Variants in DNAH14 observed in about 807,000 individuals in gnomAD.
DNAH14 encodes axonemal beta dynein heavy chain 14.
DNAH14 carries 478 observed loss-of-function variants against 520.9 expected under a neutral mutation model. That is an observed-to-expected ratio of 0.92 (90% CI 0.85 to 0.99). DNAH14 has a LOEUF of 0.99. DNAH14 is among the 50% of genes least tolerant of loss of function. DNAH14 has a pLI of 0.00. For synonymous variants in DNAH14, 1,581 were observed against 1,757.2 expected, an observed-to-expected ratio of 0.90 and a Z score of 2.51; for missense variants, 4,831 against 5,234.5, an observed-to-expected ratio of 0.92 and a Z score of 2.38.
intron 18 of DNAH14, 130 bp downstream of exon 18, chr1:225,079,678 T>TTTG (rs2072872807): frequency 1.6e-6 from 1 of 628,412 alleles, no homozygotes; most frequent in African/African-American, 2.0e-5. Flanking sequence ...TATTCTTTTT[T>TTTG]TTTTTTTTTT....
At chr1:225,074,022 C>T (rs1217991919) in intron 17 of DNAH14, among the ~76,000 whole-genome samples, 5 of 79,734 alleles carry the variant, frequency 6.3e-5, no homozygotes, top group East Asian at 4.3e-4. Context: ...TTTTTTGAGA[C>T]GGAGTCTCGC....
At chr1:225,060,213 C>A (rs1001387114) in intron 17 of DNAH14, among the ~76,000 whole-genome samples, 3 of 152,066 alleles carry the variant, frequency 2.0e-5, no homozygotes, top group African/African-American at 7.3e-5. Context: ...TTGTTCATTT[C>A]TTTTTATTTT....
At chr1:224,945,084 G>A (rs1477436366) in intron 1 of DNAH14, among the ~76,000 whole-genome samples, 1 of 152,186 alleles carries the variant, frequency 6.6e-6, no homozygotes, top group South Asian at 2.1e-4. Flanking sequence ...ATCCTGCAGA[G>A]TGTTTTCCAA....
intron 21 of DNAH14, among the ~76,000 whole-genome samples, chr1:225,094,445 A>G (rs572470525): frequency 6.6e-6 from 1 of 152,070 alleles, no homozygotes; most frequent in African/African-American, 2.4e-5. Flanking sequence ...TGAAACTGGA[A>G]CCCTTCCTTT....
chr1:225,273,181 C>T, intron 52 of DNAH14, 56 bp downstream of exon 52: 1 of 1,487,916 alleles, frequency 6.7e-7, no homozygotes, highest in African/African-American at 1.4e-5. Flanking sequence ...GCCTGTAATC[C>T]CAGCACTTTG....
At chr1:225,189,642 C>A (rs2085162252) in intron 37 of DNAH14, among the ~76,000 whole-genome samples, 2 of 151,814 alleles carry the variant, frequency 1.3e-5, no homozygotes, top group African/African-American at 2.4e-5. Context: ...TTGAAAAAAT[C>A]TTTGTTTTAC....
At chr1:225,253,916 C>T (rs2092646777) in intron 44 of DNAH14, among the ~76,000 whole-genome samples, 1 of 152,298 alleles carries the variant, frequency 6.6e-6, no homozygotes, top group South Asian at 2.1e-4. Context: ...GAAGATTCAT[C>T]TAGGCACTTC....
At chr1:224,964,241 T>A (rs1348497188) in intron 4 of DNAH14, among the ~76,000 whole-genome samples, 1 of 152,160 alleles carries the variant, frequency 6.6e-6, no homozygotes, top group Non-Finnish European at 1.5e-5. Context: ...TTACTACCTG[T>A]GTAATTATGA....
intron 27 of DNAH14, among the ~76,000 whole-genome samples, chr1:225,138,919 G>A (rs947858734): frequency 3.9e-5 from 6 of 152,210 alleles, no homozygotes; most frequent in East Asian, 3.9e-4. Context: ...ATTCCTCTCC[G>A]TGAGTGTCGT....
At chr1:225,109,080 GT>G (rs1262201846) in intron 23 of DNAH14, among the ~76,000 whole-genome samples, 1 of 152,098 alleles carries the variant, frequency 6.6e-6, no homozygotes, top group Non-Finnish European at 1.5e-5. Context: ...CTATGTGTCT[GT>G]TTTTATGTGA....
chr1:225,175,525 TTTA>T (rs914723092), intron 36 of DNAH14, among the ~76,000 whole-genome samples: 3 of 151,970 alleles, frequency 2.0e-5, no homozygotes, highest in Non-Finnish European at 4.4e-5. Flanking sequence ...ATGTGAGTCT[TTTA>T]TTGTTAGTCT....
chr1:225,298,606 A>G (rs2094067377), intron 55 of DNAH14, among the ~76,000 whole-genome samples: 1 of 152,164 alleles, frequency 6.6e-6, no homozygotes, highest in Non-Finnish European at 1.5e-5. Context: ...ATGAAGTCCC[A>G]GTGCTGGAGA....
At chr1:225,315,655 C>T (rs1263550771) in intron 60 of DNAH14, among the ~76,000 whole-genome samples, 1 of 152,118 alleles carries the variant, frequency 6.6e-6, no homozygotes, top group Non-Finnish European at 1.5e-5. Context: ...GATGTTGATG[C>T]TATTGCTTTC....
chr1:225,302,331 CA>C (rs2094154733), intron 56 of DNAH14, among the ~76,000 whole-genome samples: 1 of 151,774 alleles, frequency 6.6e-6, no homozygotes, highest in African/African-American at 2.4e-5. Context: ...TTGCACTGAG[CA>C]GTTTTATTTG....
Position 225,008,571 on chromosome 1 carries a change from CTGACT to C in DNAH14, c.1107+1029_1107+1033del, listed in dbSNP as rs2064389650. ...ATTTCTCTATAGCATCTGTTTTTTC[CTGACT>C]TTTTTTTTTTTTTTTTTTTTTTGTA... On this transcript the variant is annotated intron_variant, in intron 10 of 85. Transcript: ENST00000682510. Among the ~76,000 whole-genome samples the C allele has an allele frequency of 2.3e-5, 3 of 130,176 alleles. No individual in the cohort carries two copies. In the South Asian group the frequency reaches 8.0e-4, roughly 35 times the overall value. 85.4% of individuals were successfully genotyped at this position (130,176 alleles called of 152,430 possible).
At chr1:225,038,951 C>G in intron 12 of DNAH14, 128 bp downstream of exon 12, 1 of 751,236 alleles carries the variant, frequency 1.3e-6, no homozygotes, top group Non-Finnish European at 2.0e-6. Context: ...CCAACACACA[C>G]ACACACTTAG....
At chr1:225,149,871 T>G (rs903092807) in intron 31 of DNAH14, among the ~76,000 whole-genome samples, 18 of 152,196 alleles carry the variant, frequency 1.2e-4, no homozygotes, top group Non-Finnish European at 1.5e-4. Flanking sequence ...CTTCCTCTCT[T>G]CCTATTTGGA....
chr1:225,264,263 T>A lies in DNAH14; in HGVS notation c.7222+2T>A. ...ATAAGACAGCAACTGGAAGTTCAGGTATATATTATAGTACAGTTTCAAAGC... is the reference window on the plus strand; with the variant it reads ...ATAAGACAGCAACTGGAAGTTCAGGAATATATTATAGTACAGTTTCAAAGC... On this transcript the variant is annotated splice_donor_variant, in intron 47 of 85. Transcript: ENST00000682510. LOFTEE classifies it high-confidence loss of function. 1 of 1,547,742 alleles carries A rather than the reference T, an allele frequency of 6.5e-7. No homozygotes were observed. The highest frequency in any genetic ancestry group is 8.7e-7 in the Non-Finnish European group (1 of 1,143,820).
chr1:225,151,822 A>T (rs2080528310), intron 31 of DNAH14, 183 bp from the exon 32 acceptor site: 2 of 686,868 alleles, frequency 2.9e-6, no homozygotes, highest in Non-Finnish European at 2.6e-6. Context: ...CAGGGATGAC[A>T]ACTTTGGCTC....
Sources: gnomAD v4.1 joint callset for allele counts (sites outside exome capture counted in the v4.1 genomes callset) on GRCh38, gnomAD v4.1.1 for gene constraint, MANE v1.5 for transcripts, NCBI Gene and HGNC (gene_info 2026-07-23, HGNC 2026-07-21) for gene names.